GRID2: variants seen among roughly 807,000 people sequenced by gnomAD.
GRID2 encodes the protein glutamate ionotropic receptor delta type subunit 2.
Under a neutral mutation model 114.8 loss-of-function variants are expected in GRID2, and 33 were observed. That is an observed-to-expected ratio of 0.29 (90% CI 0.22 to 0.38). The LOEUF (loss-of-function observed/expected upper bound fraction) is 0.38. GRID2 is among the 10% of genes least tolerant of loss of function. The pLI, the probability that GRID2 is intolerant of heterozygous loss-of-function variation, is 1.00. For missense variants in GRID2, 1,184 were observed against 1,257.7 expected (o/e 0.94, Z 0.89); for synonymous variants, 505 against 449.9 (o/e 1.12, Z -1.55).
intron 2 of GRID2, among the ~76,000 whole-genome samples, chr4:92,624,309 G>A (rs1052410649): frequency 1.3e-5 from 2 of 151,680 alleles, no homozygotes; most frequent in Admixed American, 6.6e-5. Flanking sequence ...CCAAAGCTGC[G>A]CTCACAACAA....
intron 2 of GRID2, among the ~76,000 whole-genome samples, chr4:92,921,966 C>A (rs371311211): frequency 1.1e-4 from 16 of 152,308 alleles, no homozygotes; most frequent in East Asian, 5.8e-4. Context: ...AGAGGCAGGC[C>A]GGCCTCCTTG....
At chr4:92,338,560 A>C (rs1727305190) in intron 1 of GRID2, among the ~76,000 whole-genome samples, 2 of 152,132 alleles carry the variant, frequency 1.3e-5, no homozygotes, top group South Asian at 4.1e-4. Flanking sequence ...ACATATTTGC[A>C]TATATATAGT....
In GRID2 at chr4:92,555,962, C is replaced by G. The variant is rs929377897; in HGVS notation, c.89-34169C>G. On this transcript the variant is annotated intron_variant, in intron 1 of 15. Transcript: ENST00000282020. ...AATTCCTAGATTTCAAAGACATATA[C>G]CTTTTCCCTGCCTCCTTGAATAATT... 2.6e-5 allele frequency among the ~76,000 whole-genome samples: 4 copies of G among 152,214 alleles called. No individual in the cohort carries two copies. In the South Asian group the frequency reaches 6.2e-4, roughly 24 times the overall value.
At chr4:93,702,996 G>A in intron 14 of GRID2, among the ~76,000 whole-genome samples, 1 of 151,178 alleles carries the variant, frequency 6.6e-6, no homozygotes, top group African/African-American at 2.4e-5. Context: ...GGTGATATTT[G>A]AGCAAATAAC....
At chr4:93,103,641 G>A (rs1157178020) in intron 3 of GRID2, among the ~76,000 whole-genome samples, 1 of 151,922 alleles carries the variant, frequency 6.6e-6, no homozygotes, top group African/African-American at 2.4e-5. Flanking sequence ...TACTTTTAAG[G>A]GAGGCAAGCA....
chr4:93,316,274 A>C (rs1579648314), intron 8 of GRID2, among the ~76,000 whole-genome samples: 1 of 130,524 alleles, frequency 7.7e-6, no homozygotes, highest in Non-Finnish European at 1.6e-5. Context: ...AGAGAAAGAA[A>C]GAAAAGAACG....
chr4:92,580,752 T>C (rs1728143412), intron 1 of GRID2, among the ~76,000 whole-genome samples: 2 of 151,948 alleles, frequency 1.3e-5, no homozygotes, highest in Admixed American at 6.6e-5. Context: ...TTTGTGGAAG[T>C]TGAAGGTAAT....
At chr4:93,549,533 A>G (rs1733564649) in intron 13 of GRID2, among the ~76,000 whole-genome samples, 1 of 152,206 alleles carries the variant, frequency 6.6e-6, no homozygotes, top group South Asian at 2.1e-4. Flanking sequence ...CAAAAGTAAT[A>G]AGGGAAATGT....
intron 1 of GRID2, among the ~76,000 whole-genome samples, chr4:92,354,424 A>C (rs930371722): frequency 1.3e-5 from 2 of 151,882 alleles, no homozygotes; most frequent in African/African-American, 4.8e-5. Context: ...GATATCACTG[A>C]AGTCTTCATT....
At chr4:93,292,237 G>A (rs1753830984) in intron 8 of GRID2, among the ~76,000 whole-genome samples, 1 of 152,080 alleles carries the variant, frequency 6.6e-6, no homozygotes, top group South Asian at 2.1e-4. Context: ...ATATCTTCTG[G>A]CATAAATATA....
intron 14 of GRID2, among the ~76,000 whole-genome samples, chr4:93,735,368 A>T (rs1478918650): frequency 6.6e-6 from 1 of 151,960 alleles, no homozygotes; most frequent in Non-Finnish European, 1.5e-5. Flanking sequence ...ATACAACCTA[A>T]AGAAAGTTTT....
At chr4:93,192,803 G>T (rs1741117694) in intron 4 of GRID2, among the ~76,000 whole-genome samples, 1 of 148,696 alleles carries the variant, frequency 6.7e-6, no homozygotes, top group South Asian at 2.2e-4. Context: ...ATTATCCTGA[G>T]CTAACCACAC....
rs779594509 is a variant in GRID2 at position 93,772,497 on chromosome 4, G to A, written c.3023G>A (p.Ter1008=). 300 of 1,570,852 alleles carry A rather than the reference G, an allele frequency of 1.9e-4. No individual in the cohort carries two copies. Among genetic ancestry groups the A allele is most frequent in the Middle Eastern group, 3.4e-4 (2 of 5,828 alleles). ...GNDPDRGTSI[*] is the part of the protein sequence containing the mutation. ...GATCCAGACCGAGGCACCTCCATAT[G>A]AGCATCAAACAAATCTCTTCACTGT... Residue 1008 remains the stop codon, a stop_retained_variant, in exon 16 of 16, where the codon TGA becomes TAA. Coordinates refer to ENST00000282020, the MANE Select transcript of GRID2 (RefSeq NM_001510.4).
At chr4:92,930,115 C>T (rs919719355) in intron 2 of GRID2, among the ~76,000 whole-genome samples, 2 of 151,200 alleles carry the variant, frequency 1.3e-5, no homozygotes, top group Admixed American at 6.6e-5. Flanking sequence ...AATGAGGATA[C>T]CGGAAGTCAC....
chr4:92,805,111 A>T (rs1740348193), intron 2 of GRID2, among the ~76,000 whole-genome samples: 1 of 152,022 alleles, frequency 6.6e-6, no homozygotes, highest in Admixed American at 6.6e-5. Flanking sequence ...CATTTTCTAC[A>T]TGATGAAACT....
chr4:92,559,881 T>A (rs1727031612), intron 1 of GRID2, among the ~76,000 whole-genome samples: 1 of 152,196 alleles, frequency 6.6e-6, no homozygotes, highest in Non-Finnish European at 1.5e-5. Flanking sequence ...GATATAGTCA[T>A]TGCCTAATAA....
intron 2 of GRID2, among the ~76,000 whole-genome samples, chr4:92,652,929 T>TATATATTTATAAATACATATAAAA (rs1732032166): frequency 7.9e-6 from 1 of 125,964 alleles, no homozygotes; most frequent in African/African-American, 2.8e-5. Flanking sequence ...TACATATAAA[T>TATATATTTATAAATACATATAAAA]ATATATAAAC....
chr4:93,335,382 G>A (rs1341211700), intron 8 of GRID2, among the ~76,000 whole-genome samples: 1 of 152,008 alleles, frequency 6.6e-6, no homozygotes, highest in East Asian at 1.9e-4. Flanking sequence ...CACCTGTCTA[G>A]GCACCCTTGA....
chr4:93,738,385 T>C lies in GRID2; in HGVS notation c.2361-30825T>C, dbSNP rs1482862837. Among the ~76,000 whole-genome samples the C allele has an allele frequency of 2.6e-5, 4 of 152,216 alleles. No individual in the cohort carries two copies. The South Asian group carries it at 8.3e-4, about 32-fold the overall frequency. ...CTCAGGGTTTTGTACACAGAACAAA[T>C]TGGAGACAGAGATAGTGGAATCTGT... On this transcript the variant is annotated intron_variant, in intron 14 of 15. Transcript: ENST00000282020.
Sources: gnomAD v4.1 joint callset for allele counts (sites outside exome capture counted in the v4.1 genomes callset) on GRCh38, gnomAD v4.1.1 for gene constraint, MANE v1.5 for transcripts, NCBI Gene and HGNC (gene_info 2026-07-23, HGNC 2026-07-21) for gene names.